The following DCAF8L2 variants were observed in gnomAD, a reference collection of about 807,000 sequenced individuals.
The protein encoded by DCAF8L2 is DDB1 and CUL4 associated factor 8 like 2.
For missense variants in DCAF8L2, 430 were observed against 490.7 expected (o/e 0.88, Z 1.17); for synonymous variants, 200 against 190.9 (o/e 1.05, Z -0.39).
rs990414631 is a variant in DCAF8L2, at chrX:27,604,229, C to A, written c.-342+13789C>A. On this transcript the variant is annotated intron_variant, in intron 1 of 4. Transcript: ENST00000451261. ...GGGGGCCTGATCTTTCTTAAGGTAG[C>A]TAAAGCATTACCTTATATCTTTACT... Among the ~76,000 whole-genome samples, 3 of 111,285 alleles carry A rather than the reference C, an allele frequency of 2.7e-5. No homozygotes were observed. The East Asian group carries it at 8.5e-4, about 31-fold the overall frequency.
intron 3 of DCAF8L2, among the ~76,000 whole-genome samples, chrX:27,690,197 T>C (rs1255726042): frequency 9.0e-6 from 1 of 111,520 alleles, no homozygotes. Flanking sequence ...TTTTACCACA[T>C]ACATTATTTT....
intron 4 of DCAF8L2, among the ~76,000 whole-genome samples, chrX:27,735,478 T>C (rs1179839731): frequency 8.9e-6 from 1 of 112,441 alleles, no homozygotes; most frequent in East Asian, 2.8e-4. Flanking sequence ...GCATAATGCT[T>C]CTTTATTTTC....
At chrX:27,730,009 G>A (rs747311256) in intron 4 of DCAF8L2, among the ~76,000 whole-genome samples, 1 of 111,839 alleles carries the variant, frequency 8.9e-6, no homozygotes, top group South Asian at 3.7e-4. Context: ...AATTCATAAT[G>A]TTATAGGACT....
At chrX:27,529,331 T>C in the DCAF8L2 span, among the ~76,000 whole-genome samples, 1 of 111,196 alleles carries the variant, frequency 9.0e-6, no homozygotes, top group Admixed American at 9.7e-5. Flanking sequence ...TAAGAAATTA[T>C]TACTGAAAGA....
chrX:27,709,317 T>A (rs950919909), intron 3 of DCAF8L2, among the ~76,000 whole-genome samples: 2 of 112,860 alleles, frequency 1.8e-5, no homozygotes, highest in African/African-American at 6.4e-5. Context: ...GTGTTTGTAT[T>A]TTCCGTACAT....
chrX:27,491,251 T>C, the DCAF8L2 span, among the ~76,000 whole-genome samples: 1 of 112,669 alleles, frequency 8.9e-6, no homozygotes, highest in South Asian at 3.6e-4. Flanking sequence ...GATACTTTCC[T>C]CCATTTTGTT....
chrX:27,580,037 A>T, the DCAF8L2 span, among the ~76,000 whole-genome samples: 1 of 110,519 alleles, frequency 9.0e-6, no homozygotes, highest in African/African-American at 3.3e-5. Flanking sequence ...TTTAGTTTCT[A>T]ATATGCTAAC....
At chrX:27,663,089 A>G (rs1263584489) in intron 2 of DCAF8L2, among the ~76,000 whole-genome samples, 1 of 111,798 alleles carries the variant, frequency 8.9e-6, no homozygotes, top group African/African-American at 3.2e-5. Flanking sequence ...CATGAAAATA[A>G]TCTTGGTCAC....
chrX:27,725,888 C>T (rs1365814597), intron 4 of DCAF8L2, among the ~76,000 whole-genome samples: 2 of 109,870 alleles, frequency 1.8e-5, no homozygotes, highest in Non-Finnish European at 1.9e-5. Flanking sequence ...AAATCAGAAC[C>T]GCTGTTAAAA....
At chrX:27,562,419 C>T in the DCAF8L2 span, among the ~76,000 whole-genome samples, 4 of 112,429 alleles carry the variant, frequency 3.6e-5, no homozygotes, top group Non-Finnish European at 7.5e-5. Context: ...GAGTCCTCCT[C>T]GTAGCCAGTA....
At chrX:27,506,621 G>A in the DCAF8L2 span, among the ~76,000 whole-genome samples, 1 of 110,627 alleles carries the variant, frequency 9.0e-6, no homozygotes, top group Non-Finnish European at 1.9e-5. Context: ...TCACATGGCT[G>A]TCTTCTCTCA....
the DCAF8L2 span, among the ~76,000 whole-genome samples, chrX:27,562,274 T>G: frequency 8.9e-6 from 1 of 112,714 alleles, no homozygotes; most frequent in South Asian, 3.6e-4. Context: ...TTGCACCTGC[T>G]AGGGCATTTC....
At chrX:27,479,576 ATAAAT>A in the DCAF8L2 span, among the ~76,000 whole-genome samples, 2 of 112,304 alleles carry the variant, frequency 1.8e-5, no homozygotes, top group Non-Finnish European at 3.7e-5. Flanking sequence ...AATTTGTTAC[ATAAAT>A]TAAACACTTA....
the DCAF8L2 span, chrX:27,518,147 T>C: frequency 1.1e-6 from 1 of 928,470 alleles, no homozygotes; most frequent in Non-Finnish European, 1.6e-6. Context: ...TAAGAAGCCA[T>C]CTTAAAGGAT....
At chrX:27,622,290 T>TGTG (rs1352345264) in intron 1 of DCAF8L2, among the ~76,000 whole-genome samples, 5 of 83,065 alleles carry the variant, frequency 6.0e-5, no homozygotes, top group African/African-American at 3.0e-4. Flanking sequence ...CCGGGCGTAG[T>TGTG]GGCGGACACC....
the DCAF8L2 span, among the ~76,000 whole-genome samples, chrX:27,547,893 C>CTT: frequency 2.3e-5 from 2 of 86,016 alleles, no homozygotes; most frequent in Non-Finnish European, 4.6e-5. Context: ...CTCTCTCTTT[C>CTT]TCTCTCTCTC....
the DCAF8L2 span, among the ~76,000 whole-genome samples, chrX:27,497,336 A>C: frequency 9.0e-6 from 1 of 111,160 alleles, no homozygotes; most frequent in African/African-American, 3.3e-5. Flanking sequence ...GTACCTTCTT[A>C]ATCATTCCTA....
the DCAF8L2 span, among the ~76,000 whole-genome samples, chrX:27,475,814 C>T: frequency 4.5e-5 from 5 of 111,796 alleles, no homozygotes; most frequent in Non-Finnish European, 5.6e-5. Flanking sequence ...AAAGCTGGAA[C>T]TGATATTTAT....
chrX:27,580,991 A>G, the DCAF8L2 span, among the ~76,000 whole-genome samples: 1 of 112,141 alleles, frequency 8.9e-6, no homozygotes, highest in Admixed American at 9.5e-5. Context: ...CCAGAATATT[A>G]TGGTTCCAAT....
Sources: gnomAD v4.1 joint callset for allele counts (sites outside exome capture counted in the v4.1 genomes callset) on GRCh38, gnomAD v4.1.1 for gene constraint, MANE v1.5 for transcripts, NCBI Gene and HGNC (gene_info 2026-07-23, HGNC 2026-07-21) for gene names.